Variants in HS3ST5 observed in about 807,000 individuals in gnomAD.
HS3ST5 encodes the protein heparan sulfate glucosamine 3-O-sulfotransferase 5.
HS3ST5 carries 10 observed loss-of-function variants against 25.4 expected under a neutral mutation model. The observed-to-expected ratio is 0.39, with a 90% confidence interval of 0.24 to 0.67. The LOEUF is 0.67. Ranked by LOEUF, HS3ST5 falls within the 30% of genes least tolerant of loss-of-function variation. HS3ST5 has a pLI of 0.44. For missense variants in HS3ST5, 324 were observed against 420.7 expected (o/e 0.77, Z 2.01); for synonymous variants, 170 against 162.4 (o/e 1.05, Z -0.36).
chr6:114,123,754 A>AAG (rs1776906294), intron 3 of HS3ST5, among the ~76,000 whole-genome samples: 1 of 152,218 alleles, frequency 6.6e-6, no homozygotes, highest in African/African-American at 2.4e-5. Flanking sequence ...TGTATGGAAC[A>AAG]CATACTCACT....
rs541899601 is a variant in HS3ST5, at chr6:114,188,446, A to G, written c.-144-19984T>C. 1.2e-4 allele frequency among the ~76,000 whole-genome samples: 19 copies of G among 152,298 alleles called. No homozygotes were observed. The South Asian group carries it at 3.9e-3, about 32-fold the overall frequency. ...TAAGTCTAAGCAAGGTTTTAAAAAC[A>G]TTTGGTCTCTATTTTTTCAAGGTAA... On this transcript the variant is annotated intron_variant, in intron 2 of 4. Transcript: ENST00000312719.
rs534169595 is a variant in HS3ST5, at chr6:114,113,761, G to A, written c.-32-50884C>T. On this transcript the variant is annotated intron_variant, in intron 3 of 4. Transcript: ENST00000312719. ...TAATTTTTTTAATGACTACTCTTAC[G>A]CTAGTCTATAAGTTAACACTCCAGA... Among the ~76,000 whole-genome samples the A allele has an allele frequency of 5.9e-5, 9 of 151,838 alleles. 1 individual carries two copies. In the South Asian group the frequency reaches 1.7e-3, roughly 28 times the overall value.
At chr6:114,332,643 G>T (rs1419236646) in intron 1 of HS3ST5, among the ~76,000 whole-genome samples, 2 of 152,092 alleles carry the variant, frequency 1.3e-5, no homozygotes, top group African/African-American at 4.8e-5. Context: ...GCGAGAGAGT[G>T]TGTGTCTATG....
chr6:114,288,011 A>G (rs1465584702), intron 1 of HS3ST5, among the ~76,000 whole-genome samples: 1 of 151,960 alleles, frequency 6.6e-6, no homozygotes, highest in Non-Finnish European at 1.5e-5. Context: ...ACACATATCC[A>G]CTCGCATATA....
intron 3 of HS3ST5, among the ~76,000 whole-genome samples, chr6:114,145,011 C>T (rs998984442): frequency 2.6e-5 from 4 of 152,166 alleles, no homozygotes; most frequent in African/African-American, 9.6e-5. Flanking sequence ...AGCTGATGCT[C>T]ACGGAAATTA....
chr6:114,241,132 GTTT>G (rs34220294), intron 1 of HS3ST5, among the ~76,000 whole-genome samples: 1,591 of 117,784 alleles, frequency 0.014, 27 homozygotes, highest in African/African-American at 0.046. Context: ...AGAAAAATCA[GTTT>G]TTTTTTTTTT....
intron 3 of HS3ST5, among the ~76,000 whole-genome samples, chr6:114,147,763 T>A (rs1778241189): frequency 6.6e-6 from 1 of 152,144 alleles, no homozygotes; most frequent in Non-Finnish European, 1.5e-5. Context: ...GTATTTTTAG[T>A]AGAGACAGGG....
intron 1 of HS3ST5, among the ~76,000 whole-genome samples, chr6:114,335,894 T>C (rs553384436): frequency 6.6e-6 from 1 of 152,114 alleles, no homozygotes; most frequent in South Asian, 2.1e-4. Flanking sequence ...CCTTGTGATC[T>C]ACCCGCTTCG....
At chr6:114,099,125 G>T (rs980654719) in intron 3 of HS3ST5, among the ~76,000 whole-genome samples, 3 of 152,102 alleles carry the variant, frequency 2.0e-5, no homozygotes, top group Non-Finnish European at 2.9e-5. Flanking sequence ...TTGCAGAAAG[G>T]GCTGCTCTTC....
At chr6:114,175,315 T>A (rs1000529725) in intron 2 of HS3ST5, among the ~76,000 whole-genome samples, 1 of 152,156 alleles carries the variant, frequency 6.6e-6, no homozygotes, top group African/African-American at 2.4e-5. Context: ...AATATTGTTA[T>A]TATATAATAA....
At chr6:114,161,521 T>TTATATATATATATATATATA (rs59921019) in intron 3 of HS3ST5, among the ~76,000 whole-genome samples, 1 of 33,540 alleles carries the variant, frequency 3.0e-5, no homozygotes, top group Non-Finnish European at 5.6e-5. Flanking sequence ...TCCTGAAGTT[T>TTATATATATATATATATATA]TATATATATA....
At chr6:114,073,746 C>T (rs1280195595) in intron 3 of HS3ST5, among the ~76,000 whole-genome samples, 1 of 152,164 alleles carries the variant, frequency 6.6e-6, no homozygotes, top group Non-Finnish European at 1.5e-5. Context: ...GGCAATTCCT[C>T]AAGGATCTAG....
intron 2 of HS3ST5, among the ~76,000 whole-genome samples, chr6:114,203,365 A>G (rs923525181): frequency 3.3e-5 from 5 of 152,146 alleles, no homozygotes; most frequent in Admixed American, 6.5e-5. Flanking sequence ...TTGCTTGGAG[A>G]CTGAACCGCC....
At chr6:114,238,151 G>C (rs887361492) in intron 1 of HS3ST5, among the ~76,000 whole-genome samples, 1 of 152,212 alleles carries the variant, frequency 6.6e-6, no homozygotes, top group Admixed American at 6.5e-5. Flanking sequence ...TGAAGACGCT[G>C]CTTGATGATT....
chr6:114,125,720 G>T (rs943754803), intron 3 of HS3ST5, among the ~76,000 whole-genome samples: 3 of 152,200 alleles, frequency 2.0e-5, no homozygotes, highest in Non-Finnish European at 4.4e-5. Context: ...AGAGTACTTA[G>T]TTGATGCAAA....
At chr6:114,329,054 G>A (rs910297248) in intron 1 of HS3ST5, among the ~76,000 whole-genome samples, 6 of 152,180 alleles carry the variant, frequency 3.9e-5, no homozygotes, top group East Asian at 1.9e-4. Context: ...GCGTCATGAT[G>A]GTAATTTGTA....
chr6:114,266,263 C>T (rs1773401534), intron 1 of HS3ST5, among the ~76,000 whole-genome samples: 1 of 152,124 alleles, frequency 6.6e-6, no homozygotes, highest in Non-Finnish European at 1.5e-5. Context: ...CTATATATCA[C>T]GTATTTGTAT....
chr6:114,189,466 A>C (rs1041284228), intron 2 of HS3ST5, among the ~76,000 whole-genome samples: 1 of 152,106 alleles, frequency 6.6e-6, no homozygotes, highest in Non-Finnish European at 1.5e-5. Flanking sequence ...ATTAAAAAAA[A>C]TCTCATACTG....
intron 3 of HS3ST5, among the ~76,000 whole-genome samples, chr6:114,150,833 G>T (rs550907449): frequency 3.9e-5 from 6 of 152,254 alleles, no homozygotes; most frequent in Admixed American, 3.9e-4. Flanking sequence ...AGAAGGAATC[G>T]TCAAATTGTC....
Sources: gnomAD v4.1 joint callset for allele counts (sites outside exome capture counted in the v4.1 genomes callset) on GRCh38, gnomAD v4.1.1 for gene constraint, MANE v1.5 for transcripts, NCBI Gene and HGNC (gene_info 2026-07-23, HGNC 2026-07-21) for gene names.